Variants in OCA2 observed in about 807,000 individuals in gnomAD.
OCA2 encodes the protein P protein.
In OCA2, 77 loss-of-function variants were observed where a neutral mutation model predicts 100.2. The observed-to-expected ratio is 0.77, with a 90% CI of 0.64 to 0.93. The LOEUF (loss-of-function observed/expected upper bound fraction) is 0.93, where lower values mean the gene tolerates loss of function less well. Ranked by LOEUF, OCA2 falls within the 40% of genes least tolerant of loss-of-function variation. The pLI is 0.00. For missense variants in OCA2, 1,062 were observed against 1,089.1 expected, an observed-to-expected ratio of 0.98 and a Z score of 0.35; for synonymous variants, 432 against 439.2, an observed-to-expected ratio of 0.98 and a Z score of 0.21.
At chr15:27,901,553 C>G (rs1474920547) in intron 19 of OCA2, among the ~76,000 whole-genome samples, 1 of 152,198 alleles carries the variant, frequency 6.6e-6, no homozygotes, top group East Asian at 1.9e-4. Flanking sequence ...CAAACCTGAC[C>G]TTTGAGCACA....
chr15:27,999,894 A>G (rs1053433811), intron 9 of OCA2, among the ~76,000 whole-genome samples: 1 of 152,244 alleles, frequency 6.6e-6, no homozygotes, highest in African/African-American at 2.4e-5. Context: ...TAAAATAGGA[A>G]TAAATTTAAC....
chr15:27,994,280 A>G (rs147760892), intron 9 of OCA2, among the ~76,000 whole-genome samples: 131 of 152,278 alleles, frequency 8.6e-4, no homozygotes, highest in African/African-American at 2.9e-3. Context: ...TGAGAATCTA[A>G]CTAATGCCCG....
chr15:27,924,920 A>T (rs369182026), intron 19 of OCA2, among the ~76,000 whole-genome samples: 1 of 152,344 alleles, frequency 6.6e-6, no homozygotes, highest in African/African-American at 2.4e-5. Context: ...TGCAAACAGT[A>T]AACAAAAGTG....
intron 3 of OCA2, among the ~76,000 whole-genome samples, chr15:28,031,501 G>A (rs924977692): frequency 1.3e-5 from 2 of 152,212 alleles, no homozygotes; most frequent in African/African-American, 4.8e-5. Context: ...TGCCCTCCAG[G>A]ACAGCTCTCC....
chr15:27,969,730 G>C (rs932201504), intron 14 of OCA2, among the ~76,000 whole-genome samples: 1 of 152,074 alleles, frequency 6.6e-6, no homozygotes, highest in Non-Finnish European at 1.5e-5. Context: ...AACATTCCCA[G>C]ATTCATAATC....
the OCA2 span, among the ~76,000 whole-genome samples, chr15:27,748,651 C>A: frequency 3.9e-5 from 6 of 152,100 alleles, no homozygotes; most frequent in East Asian, 1.2e-3. Flanking sequence ...TGCAATGATC[C>A]GGAAAATTAA....
chr15:28,085,199 G>A (rs936626055), intron 1 of OCA2, among the ~76,000 whole-genome samples: 13 of 152,026 alleles, frequency 8.6e-5, no homozygotes, highest in African/African-American at 1.9e-4. Context: ...CAATCCCACC[G>A]CACCTCCCCA....
At chr15:27,826,549 C>A (rs562740077) in intron 23 of OCA2, among the ~76,000 whole-genome samples, 1 of 152,168 alleles carries the variant, frequency 6.6e-6, no homozygotes, top group African/African-American at 2.4e-5. Context: ...GCACTGCTGA[C>A]CTATCCTTTC....
chr15:28,043,012 C>G lies in OCA2; in HGVS notation c.228-10849G>C, dbSNP rs1214718638. Among the ~76,000 whole-genome samples the G allele has an allele frequency of 6.6e-6, 1 of 152,166 alleles. No individual in the cohort carries two copies. The highest frequency in any genetic ancestry group is 2.4e-5 in the African/African-American group (1 of 41,438). On this transcript the variant is annotated intron_variant, in intron 2 of 23. Transcript: ENST00000354638. The surrounding 1 kb of genome is among the most constrained non-coding windows in gnomAD (Gnocchi z 4.4). The stretch of plus-strand genomic sequence containing the variant: ...ATATTTTTAAGAGAATGTCTACAAA[C>G]TGTTTTTAAAATGCTTCCAGACAAT...
At chr15:27,965,566 C>T (rs1180964692) in intron 15 of OCA2, among the ~76,000 whole-genome samples, 1 of 152,156 alleles carries the variant, frequency 6.6e-6, no homozygotes, top group Admixed American at 6.5e-5. Context: ...GTCGTGGCCT[C>T]CAGCCACCCA....
At chr15:28,030,937 G>A (rs997416655) in intron 3 of OCA2, among the ~76,000 whole-genome samples, 1 of 152,088 alleles carries the variant, frequency 6.6e-6, no homozygotes, top group African/African-American at 2.4e-5. Context: ...GTAAAATGTT[G>A]TAAAAGACTA....
intron 7 of OCA2, among the ~76,000 whole-genome samples, chr15:28,017,399 A>C (rs1185187703): frequency 6.6e-6 from 1 of 152,184 alleles, no homozygotes; most frequent in Non-Finnish European, 1.5e-5. Flanking sequence ...CTGGGGAGGC[A>C]GCGGGACCGC....
Position 27,943,307 on chromosome 15 carries a change from G to A in OCA2, c.1951+8477C>T, listed in dbSNP as rs547129376. The stretch of plus-strand genomic sequence containing the variant: ...ACATTAAAACAGGGATCTTCAGACC[G>A]ATAGAATAGATGTAGCAATAAGATA... On this transcript the variant is annotated intron_variant, in intron 18 of 23. Transcript: ENST00000354638. Among the ~76,000 whole-genome samples the A allele has an allele frequency of 1.1e-4, 16 of 152,268 alleles. No homozygotes were observed. In the East Asian group the frequency reaches 2.3e-3, roughly 22 times the overall value.
At chr15:27,969,769 G>A (rs1347964796) in intron 14 of OCA2, among the ~76,000 whole-genome samples, 1 of 152,040 alleles carries the variant, frequency 6.6e-6, no homozygotes, top group African/African-American at 2.4e-5. Context: ...CACGCCTGAG[G>A]GACTTCTGGC....
chr15:27,938,624 A>G (rs964085200), intron 18 of OCA2, among the ~76,000 whole-genome samples: 2 of 152,206 alleles, frequency 1.3e-5, no homozygotes, highest in Non-Finnish European at 2.9e-5. Context: ...TTCACCAAAT[A>G]TGAAGACCTC....
intron 19 of OCA2, among the ~76,000 whole-genome samples, chr15:27,899,387 T>A (rs538715246): frequency 1.3e-5 from 2 of 152,180 alleles, no homozygotes; most frequent in Non-Finnish European, 2.9e-5. Flanking sequence ...GAAGGGGAAA[T>A]TATTCTAACC....
At chr15:27,793,020 C>T (rs940294641) in intron 23 of OCA2, among the ~76,000 whole-genome samples, 7 of 152,188 alleles carry the variant, frequency 4.6e-5, no homozygotes, top group African/African-American at 1.4e-4. Flanking sequence ...CAACAGCTCC[C>T]GGGCTGTTTA....
the OCA2 span, among the ~76,000 whole-genome samples, chr15:27,731,155 C>T: frequency 6.6e-6 from 1 of 152,156 alleles, no homozygotes; most frequent in African/African-American, 2.4e-5. Flanking sequence ...CTTGCACAGG[C>T]ATATTCACTT....
chr15:28,041,130 T>C (rs1165520047), intron 2 of OCA2, among the ~76,000 whole-genome samples: 1 of 151,608 alleles, frequency 6.6e-6, no homozygotes, highest in Admixed American at 6.6e-5. Flanking sequence ...ACTAAGCAAA[T>C]CAAACTCAGC....
Sources: allele counts gnomAD v4.1 joint callset (sites outside exome capture counted in the v4.1 genomes callset), GRCh38; gene constraint gnomAD v4.1.1; non-coding constraint Gnocchi (gnomAD v3.1); transcripts MANE v1.5; gene names NCBI Gene and HGNC (gene_info 2026-07-23, HGNC 2026-07-21).